CSMD1: variants seen among roughly 807,000 people sequenced by gnomAD.
CSMD1 encodes the protein CUB and Sushi multiple domains 1.
In CSMD1, 213 loss-of-function variants were observed where a neutral mutation model predicts 417.5. The observed-to-expected ratio is 0.51, with a 90% CI of 0.46 to 0.57. The LOEUF is 0.57. Among genes scored for constraint, CSMD1 ranks in the 20% least tolerant of loss-of-function variants. The probability of loss-of-function intolerance (pLI) is 0.00; values close to 1 mark genes in which losing one functional copy is unlikely to be tolerated. For missense variants in CSMD1, 6,923 were observed against 4,529.7 expected (o/e 1.53, Z -15.17); for synonymous variants, 2,862 against 1,736.8 (o/e 1.65, Z -16.11).
chr8:3,349,809 A>C (rs908572373), intron 21 of CSMD1, among the ~76,000 whole-genome samples: 7 of 144,874 alleles, frequency 4.8e-5, no homozygotes, highest in African/African-American at 1.5e-4. Context: ...AAATAGATAT[A>C]AATATACATA....
chr8:3,806,928 T>C (rs1168053208), intron 5 of CSMD1, among the ~76,000 whole-genome samples: 1 of 152,194 alleles, frequency 6.6e-6, no homozygotes, highest in Non-Finnish European at 1.5e-5. Context: ...GTACTTATTC[T>C]AATTGTCAGA....
At chr8:4,703,266 G>C (rs1584967742) in intron 1 of CSMD1, among the ~76,000 whole-genome samples, 2 of 152,188 alleles carry the variant, frequency 1.3e-5, no homozygotes, top group East Asian at 3.9e-4. Context: ...GTGGAAGTGT[G>C]TGGAAAAATT....
At chr8:4,392,677 G>C (rs1473834240) in intron 3 of CSMD1, among the ~76,000 whole-genome samples, 1 of 150,926 alleles carries the variant, frequency 6.6e-6, no homozygotes, top group East Asian at 2.0e-4. Context: ...TTTTTTTTGA[G>C]ATGGACTGTG....
chr8:4,156,744 A>C (rs1248161472), intron 3 of CSMD1, among the ~76,000 whole-genome samples: 1 of 152,192 alleles, frequency 6.6e-6, no homozygotes, highest in African/African-American at 2.4e-5. Flanking sequence ...TGACAGCTTC[A>C]ACCTTTGAAC....
chr8:4,692,546 C>T (rs1475520850), intron 1 of CSMD1, among the ~76,000 whole-genome samples: 6 of 152,094 alleles, frequency 3.9e-5, no homozygotes, highest in Non-Finnish European at 7.3e-5. Flanking sequence ...GGAGCAGCCA[C>T]ATGAAGAGGG....
At chr8:4,569,159 C>T (rs1201708353) in intron 2 of CSMD1, among the ~76,000 whole-genome samples, 2 of 152,094 alleles carry the variant, frequency 1.3e-5, no homozygotes, top group African/African-American at 4.8e-5. Flanking sequence ...TAGATTCCAT[C>T]TGTCAATTCT....
chr8:4,907,987 A>T (rs997016178), intron 1 of CSMD1, among the ~76,000 whole-genome samples: 12 of 152,190 alleles, frequency 7.9e-5, no homozygotes, highest in African/African-American at 2.4e-4. Context: ...AGATATTCTA[A>T]TACACCATCT....
chr8:4,919,436 T>C (rs1806289848), intron 1 of CSMD1, among the ~76,000 whole-genome samples: 1 of 152,080 alleles, frequency 6.6e-6, no homozygotes, highest in African/African-American at 2.4e-5. Flanking sequence ...ATAACAAAAA[T>C]TAAGGGGGAT....
intron 49 of CSMD1, among the ~76,000 whole-genome samples, chr8:3,074,121 T>G (rs1223982325): frequency 6.6e-6 from 1 of 152,222 alleles, no homozygotes; most frequent in Non-Finnish European, 1.5e-5. Flanking sequence ...TTCTTGCATT[T>G]GCGCAGCTGA....
Position 3,564,218 on chromosome 8 carries a change from T to A in CSMD1, c.1344+10727A>T, listed in dbSNP as rs539604696. 2.0e-5 allele frequency among the ~76,000 whole-genome samples: 3 copies of A among 152,324 alleles called. No homozygotes were observed. The South Asian group carries it at 6.2e-4, about 32-fold the overall frequency. Reference sequence around the variant, plus strand: ...TTATCATTAACTATAATTTTCCTACTCTACTATTGAATACTAGAATTTTTT... The same window carrying A: ...TTATCATTAACTATAATTTTCCTACACTACTATTGAATACTAGAATTTTTT... On this transcript the variant is annotated intron_variant, in intron 10 of 69. Transcript: ENST00000635120.
chr8:4,787,263 A>C, intron 1 of CSMD1: 1 of 582,992 alleles, frequency 1.7e-6, no homozygotes, highest in Non-Finnish European at 3.1e-6. Flanking sequence ...ATGCTCTCTG[A>C]TCACCCCTCT....
chr8:4,967,535 G>C (rs575330213), intron 1 of CSMD1, among the ~76,000 whole-genome samples: 58 of 152,156 alleles, frequency 3.8e-4, no homozygotes, highest in African/African-American at 1.3e-3. Flanking sequence ...TAAATCTTAA[G>C]CCAATATTTT....
intron 17 of CSMD1, 67 bp from the exon 18 acceptor site, chr8:3,387,749 C>T (rs773194838): frequency 2.5e-5 from 31 of 1,260,618 alleles, no homozygotes; most frequent in African/African-American, 3.0e-5. Context: ...TAGAGACCCA[C>T]GCCATCAACT....
chr8:3,494,310 G>C (rs907132588), intron 10 of CSMD1, among the ~76,000 whole-genome samples: 2 of 152,102 alleles, frequency 1.3e-5, no homozygotes, highest in African/African-American at 2.4e-5. Flanking sequence ...AATGGTTTAT[G>C]TTTGATGTGC....
At chr8:4,449,353 T>C (rs978361601) in intron 2 of CSMD1, among the ~76,000 whole-genome samples, 3 of 152,186 alleles carry the variant, frequency 2.0e-5, no homozygotes, top group Non-Finnish European at 4.4e-5. Flanking sequence ...CCTCCCCCTC[T>C]CTTTTTTTCC....
At chr8:4,220,955 G>C (rs989213852) in intron 3 of CSMD1, among the ~76,000 whole-genome samples, 3 of 152,204 alleles carry the variant, frequency 2.0e-5, no homozygotes, top group Non-Finnish European at 1.5e-5. Flanking sequence ...ACACGGTTGA[G>C]TGCGCAGGCG....
chr8:3,185,110 G>T lies in CSMD1; in HGVS notation c.5620+2759C>A, dbSNP rs190559417. On this transcript the variant is annotated intron_variant, in intron 36 of 69. Coordinates refer to ENST00000635120, the MANE Select transcript of CSMD1 (RefSeq NM_033225.6). Reference sequence around the variant, plus strand: ...CATGGACCCCCTAAATTTATAGCCAGTTGGTCAGAGTGCAGGTGGCCTGGG... The same window carrying T: ...CATGGACCCCCTAAATTTATAGCCATTTGGTCAGAGTGCAGGTGGCCTGGG... Among the ~76,000 whole-genome samples, 108 of 152,356 alleles carry T rather than the reference G, an allele frequency of 7.1e-4. No homozygotes were observed. The Middle Eastern group carries it at 0.01, about 14-fold the overall frequency.
At chr8:4,893,032 T>A (rs1346896982) in intron 1 of CSMD1, among the ~76,000 whole-genome samples, 1 of 152,158 alleles carries the variant, frequency 6.6e-6, no homozygotes, top group Non-Finnish European at 1.5e-5. Context: ...GCATGGTCAA[T>A]GTCAAACTGA....
At chr8:4,015,133 C>G (rs576942913) in intron 4 of CSMD1, among the ~76,000 whole-genome samples, 1 of 152,132 alleles carries the variant, frequency 6.6e-6, no homozygotes, top group Non-Finnish European at 1.5e-5. Context: ...TAAAACTACT[C>G]AAAAAATTGA....
Sources: allele counts gnomAD v4.1 joint callset (sites outside exome capture counted in the v4.1 genomes callset), GRCh38; gene constraint gnomAD v4.1.1; transcripts MANE v1.5; gene names NCBI Gene and HGNC (gene_info 2026-07-23, HGNC 2026-07-21).